MSH3: variants seen among roughly 807,000 people sequenced by gnomAD.
MSH3 encodes the protein DNA mismatch repair protein Msh3.
A neutral mutation model predicts 123.3 loss-of-function variants in MSH3; 106 were observed. The ratio of observed to expected loss-of-function variants is 0.86; its 90% CI spans 0.73 to 1.01. MSH3 has a LOEUF of 1.01. MSH3 is among the 50% of genes least tolerant of loss of function. The probability of loss-of-function intolerance (pLI) is 0.00; values close to 1 mark genes in which losing one functional copy is unlikely to be tolerated. For missense variants in MSH3, 1,459 were observed against 1,347.6 expected, an observed-to-expected ratio of 1.08 and a Z score of -1.29; for synonymous variants, 515 against 481.4, an observed-to-expected ratio of 1.07 and a Z score of -0.91.
intron 13 of MSH3, among the ~76,000 whole-genome samples, chr5:80,764,497 C>T (rs535962028): frequency 8.4e-4 from 127 of 150,950 alleles, no homozygotes; most frequent in African/African-American, 2.8e-3. Context: ...ACAACAGGCA[C>T]GTGCCACCAT....
chr5:80,802,559 C>T (rs906234305), intron 19 of MSH3, among the ~76,000 whole-genome samples: 1 of 152,024 alleles, frequency 6.6e-6, no homozygotes, highest in African/African-American at 2.4e-5. Flanking sequence ...GGCATTTATC[C>T]TTTCTTTATG....
chr5:80,780,867 A>T (rs560732454), intron 17 of MSH3, among the ~76,000 whole-genome samples: 1 of 149,370 alleles, frequency 6.7e-6, no homozygotes, highest in South Asian at 2.1e-4. Context: ...GACTGTCTCA[A>T]ATAAATAAAT....
chr5:80,799,466 T>C (rs1344857407), intron 19 of MSH3, among the ~76,000 whole-genome samples: 1 of 149,784 alleles, frequency 6.7e-6, no homozygotes, highest in Admixed American at 6.7e-5. Flanking sequence ...TTAAAGACAG[T>C]TGTCAATATT....
intron 10 of MSH3, among the ~76,000 whole-genome samples, chr5:80,736,194 C>G (rs1743502759): frequency 6.6e-6 from 1 of 152,054 alleles, no homozygotes; most frequent in Non-Finnish European, 1.5e-5. Flanking sequence ...CCATTGCACT[C>G]CAACCTGGGT....
Position 80,875,743 on chromosome 5 carries a change from T to C in MSH3, c.3303-8T>C, listed in dbSNP as rs750118847. On this transcript the variant is annotated splice_polypyrimidine_tract_variant and splice_region_variant and intron_variant, in intron 23 of 23. Transcript: ENST00000265081. ...TTATTAAATAAGTAGTATTTGATTT[T>C]TCCCCAGAAAGAGACTCAAGTATTT... 1 of 1,551,354 alleles carries C rather than the reference T, an allele frequency of 6.4e-7. No individual in the cohort carries two copies. The highest frequency in any genetic ancestry group is 8.9e-7 in the Non-Finnish European group (1 of 1,123,118).
rs1326071751 is a variant in MSH3 at position 80,830,513 on chromosome 5, CT to C, written c.2813+16773del. Among the ~76,000 whole-genome samples the C allele has an allele frequency of 2.6e-5, 4 of 152,318 alleles. No individual in the cohort carries two copies. The East Asian group carries it at 7.7e-4, about 29-fold the overall frequency. On this transcript the variant is annotated intron_variant, in intron 20 of 23. Coordinates refer to ENST00000265081, the MANE Select transcript of MSH3 (RefSeq NM_002439.5). ...CCCTGTATTCATCTTATTGATTTAT[CT>C]GATTAATTTTATCCATGATGACAGA...
intron 8 of MSH3, among the ~76,000 whole-genome samples, chr5:80,680,569 T>C (rs6883090): frequency 0.46 from 68,749 of 150,786 alleles, 15,790 homozygotes; most frequent in East Asian, 0.63. Flanking sequence ...TTTTCTATTC[T>C]GTGGTTTTTT....
chr5:80,670,333 T>A, intron 4 of MSH3, 24 bp downstream of exon 4: 1 of 1,601,572 alleles, frequency 6.2e-7, no homozygotes, highest in Non-Finnish European at 8.6e-7. Context: ...TCAGGCACTA[T>A]TTTATATTTT....
In MSH3 at chr5:80,864,895, A is replaced by G. The variant is rs759931821; in HGVS notation, c.3083A>G (p.Tyr1028Cys). The G allele has an allele frequency of 6.2e-7, 1 of 1,613,602 alleles. No individual in the cohort carries two copies. Among genetic ancestry groups the G allele is most frequent in the Non-Finnish European group, 8.5e-7 (1 of 1,179,508 alleles). ...EKNYSHQVGN[Y>C]HMGFLVSEDE... Reference sequence around the variant, plus strand: ...AATTACTCACACCAGGTGGGGAATTACCACATGGGATTCTTGGTCAGTGAG... The same window carrying G: ...AATTACTCACACCAGGTGGGGAATTGCCACATGGGATTCTTGGTCAGTGAG... The change falls in exon 22 of 24, where the codon TAC (tyrosine) becomes TGC (cysteine). Residue 1028 changes from tyrosine (Y) to cysteine (C), a missense_variant. Physicochemically the swap from Tyr to Cys is radical, Grantham distance 194. Coordinates refer to ENST00000265081, the MANE Select transcript of MSH3 (RefSeq NM_002439.5).
chr5:80,870,545 C>T (rs1746195244), intron 22 of MSH3, among the ~76,000 whole-genome samples: 1 of 152,130 alleles, frequency 6.6e-6, no homozygotes, highest in Admixed American at 6.5e-5. Flanking sequence ...TAATCTGTTC[C>T]CACCTACTTC....
chr5:80,689,695 C>A (rs896394596), intron 8 of MSH3, among the ~76,000 whole-genome samples: 16 of 150,928 alleles, frequency 1.1e-4, no homozygotes, highest in Non-Finnish European at 1.9e-4. Flanking sequence ...GGGGATATAT[C>A]CCCAACGGAA....
chr5:80,767,274 A>C (rs1025200089), intron 13 of MSH3, among the ~76,000 whole-genome samples: 1 of 152,136 alleles, frequency 6.6e-6, no homozygotes, highest in Non-Finnish European at 1.5e-5. Context: ...GGTTATGTGC[A>C]CTTTTTTATT....
intron 19 of MSH3, among the ~76,000 whole-genome samples, chr5:80,803,662 T>C (rs896759549): frequency 6.6e-6 from 1 of 151,992 alleles, no homozygotes; most frequent in Non-Finnish European, 1.5e-5. Flanking sequence ...AGACCAGTGT[T>C]CTGAAGATTT....
intron 20 of MSH3, among the ~76,000 whole-genome samples, chr5:80,847,476 T>G (rs1430761147): frequency 6.6e-6 from 1 of 152,126 alleles, no homozygotes; most frequent in African/African-American, 2.4e-5. Context: ...CTTTGAAAGT[T>G]TAGATGAATA....
intron 19 of MSH3, among the ~76,000 whole-genome samples, chr5:80,797,488 G>A (rs1744717590): frequency 6.6e-6 from 1 of 152,112 alleles, no homozygotes. Flanking sequence ...ATTATATGGG[G>A]ATTGCCCCAA....
chr5:80,763,619 A>G (rs966674804), intron 13 of MSH3, among the ~76,000 whole-genome samples: 1 of 152,228 alleles, frequency 6.6e-6, no homozygotes, highest in Admixed American at 6.5e-5. Context: ...GGATTCACTG[A>G]CAGATGTCAG....
intron 12 of MSH3, among the ~76,000 whole-genome samples, chr5:80,748,732 A>C (rs112511682): frequency 2.5e-4 from 33 of 134,002 alleles, no homozygotes; most frequent in African/African-American, 3.7e-4. Flanking sequence ...ACACACACAC[A>C]CCCATATGTA....
intron 8 of MSH3, among the ~76,000 whole-genome samples, chr5:80,693,546 C>G (rs920962184): frequency 6.9e-6 from 1 of 144,066 alleles, no homozygotes; most frequent in South Asian, 2.2e-4. Context: ...AATATATATG[C>G]ACATGTATGT....
At chr5:80,837,897 G>T (rs544448369) in intron 20 of MSH3, among the ~76,000 whole-genome samples, 1 of 152,264 alleles carries the variant, frequency 6.6e-6, no homozygotes, top group African/African-American at 2.4e-5. Flanking sequence ...CCAGGTTGCT[G>T]GCAGAATTCA....
Sources: allele counts gnomAD v4.1 joint callset (sites outside exome capture counted in the v4.1 genomes callset), GRCh38; gene constraint gnomAD v4.1.1; transcripts MANE v1.5; gene names NCBI Gene and HGNC (gene_info 2026-07-23, HGNC 2026-07-21).